Variants in SASH1 observed in about 807,000 individuals in gnomAD.
The protein encoded by SASH1 is SAM and SH3 domain-containing protein 1.
A neutral mutation model predicts 125.2 loss-of-function variants in SASH1; 44 were observed. That is an observed-to-expected ratio of 0.35 (90% CI 0.28 to 0.45). SASH1 has a LOEUF of 0.45. SASH1 is among the 20% of genes least tolerant of loss of function. SASH1 has a pLI of 1.00. For missense variants in SASH1, 1,426 were observed against 1,614.5 expected (o/e 0.88, Z 2.00); for synonymous variants, 639 against 649.1 (o/e 0.98, Z 0.24).
intron 4 of SASH1, among the ~76,000 whole-genome samples, chr6:148,467,148 G>A (rs1189389258): frequency 7.4e-6 from 1 of 135,974 alleles, no homozygotes; most frequent in African/African-American, 2.8e-5. Context: ...CCAGTCTGGA[G>A]TGCAATGGTG....
At chr6:148,238,697 TTA>T in the SASH1 span, among the ~76,000 whole-genome samples, 3 of 151,886 alleles carry the variant, frequency 2.0e-5, no homozygotes, top group Non-Finnish European at 4.4e-5. Flanking sequence ...GAAGGGATTT[TTA>T]TGACTTTGCT....
chr6:148,533,066 C>A lies in SASH1; in HGVS notation c.1734+100C>A. On this transcript the variant is annotated intron_variant, in intron 14 of 19. Transcript: ENST00000367467. The surrounding 1 kb of genome is among the most constrained non-coding windows in gnomAD (Gnocchi z 6.2). ...TGTTGAATGCTGGGCTACTATGGTA[C>A]AGACTGGACAGTATCTTGGCTACCT... The A allele has an allele frequency of 7.8e-7, 1 of 1,281,666 alleles. No individual in the cohort carries two copies. The allele number at this position is 1,281,666 out of a possible 1,614,324, so 79.4% of individuals were successfully genotyped here. A position where few individuals can be genotyped will look rare whatever the true frequency, so the allele number is the denominator to read the frequency against.
chr6:148,325,182 C>T (rs777849113), intron 1 of SASH1, among the ~76,000 whole-genome samples: 1 of 151,952 alleles, frequency 6.6e-6, no homozygotes, highest in Admixed American at 6.6e-5. Flanking sequence ...ACAATCATTG[C>T]GGAAAGGGAA....
upstream of SASH1, among the ~76,000 whole-genome samples, chr6:148,269,346 G>A (rs959328368): frequency 2.0e-4 from 31 of 151,752 alleles, no homozygotes; most frequent in African/African-American, 4.6e-4. Flanking sequence ...GTTGGAGTGC[G>A]GTGGCACAAA....
chr6:148,206,849 T>A, the SASH1 span, among the ~76,000 whole-genome samples: 24 of 144,418 alleles, frequency 1.7e-4, no homozygotes, highest in African/African-American at 6.3e-4. Flanking sequence ...ATAAATACAT[T>A]ATGCATTAAA....
chr6:148,443,157 AAAAAAAAAAT>A (rs944805738), intron 4 of SASH1, among the ~76,000 whole-genome samples: 1 of 113,116 alleles, frequency 8.8e-6, no homozygotes, highest in Non-Finnish European at 1.9e-5. Context: ...AAAAAAAAAA[AAAAAAAAAAT>A]GGCTCACGGC....
At chr6:148,525,460 A>G (rs1781088210) in intron 11 of SASH1, 95 bp downstream of exon 11, 4 of 1,024,950 alleles carry the variant, frequency 3.9e-6, no homozygotes, top group Non-Finnish European at 6.1e-6. Context: ...GATACTGGGT[A>G]CCGTTTTCCT....
the SASH1 span, among the ~76,000 whole-genome samples, chr6:148,231,131 T>G: frequency 1.3e-5 from 2 of 152,252 alleles, no homozygotes; most frequent in Non-Finnish European, 2.9e-5. Context: ...GTGTCTATTA[T>G]CCACCCGGAG....
rs746235393 is a variant in SASH1 at position 148,519,838 on chromosome 6, C to T, written c.1154C>T (p.Ser385Phe). Residue 385 changes from serine to phenylalanine, a missense_variant, in exon 10 of 20, where the codon TCC becomes TTC. By Grantham distance (155) the Ser-to-Phe change is radical. Around this residue, in one of 3 missense-constraint regions of SASH1, gnomAD observed 567 missense variants for 575.6 expected, o/e 0.99. Coordinates refer to ENST00000367467, the MANE Select transcript of SASH1 (RefSeq NM_015278.5). This position sits in a 1 kb window ranked among gnomAD's most constrained non-coding sequence, Gnocchi z 4.8. ...YPEEEKAQKV[S>F]RSLTEGEMKK... ...GAAGAAGAAAAGGCCCAGAAAGTGT[C>T]CCGCTCCCTCACCGAGGGGGAGATG... 1.9e-6 allele frequency: 3 copies of T among 1,609,536 alleles called. No homozygotes were observed. The East Asian group carries it at 6.7e-5, about 36-fold the overall frequency.
At chr6:148,324,584 T>G (rs913886671) in intron 1 of SASH1, among the ~76,000 whole-genome samples, 13 of 152,332 alleles carry the variant, frequency 8.5e-5, no homozygotes, top group African/African-American at 3.1e-4. Flanking sequence ...GCCATTGCTC[T>G]TGCTGTCTTC....
the SASH1 span, among the ~76,000 whole-genome samples, chr6:148,222,303 C>T: frequency 6.6e-6 from 1 of 152,178 alleles, no homozygotes; most frequent in Non-Finnish European, 1.5e-5. Context: ...ATATTTCACA[C>T]ATTTTCCTTC....
chr6:148,270,578 C>G (rs566843795), upstream of SASH1, among the ~76,000 whole-genome samples: 2 of 152,036 alleles, frequency 1.3e-5, no homozygotes, highest in East Asian at 3.9e-4. Flanking sequence ...AATTTTTTGG[C>G]TAAAACTTGC....
the SASH1 span, among the ~76,000 whole-genome samples, chr6:148,230,298 C>T: frequency 1.4e-4 from 21 of 152,018 alleles, no homozygotes; most frequent in South Asian, 4.2e-4. Flanking sequence ...ACACTTAATA[C>T]GAACATTTGA....
rs1029131465 is a variant in SASH1 at position 148,533,164 on chromosome 6, G to A, written c.1734+198G>A. On this transcript the variant is annotated intron_variant, in intron 14 of 19. Coordinates refer to ENST00000367467, the MANE Select transcript of SASH1 (RefSeq NM_015278.5). This position sits in a 1 kb window ranked among gnomAD's most constrained non-coding sequence, Gnocchi z 6.2. ...GCCCTCGAGGCAGAGGGAGGGTCTCGTGTTAATCCCTGGGTTAGCATCACT... is the reference window on the plus strand; with the variant it reads ...GCCCTCGAGGCAGAGGGAGGGTCTCATGTTAATCCCTGGGTTAGCATCACT... Among the ~76,000 whole-genome samples the A allele has an allele frequency of 3.3e-5, 5 of 152,118 alleles. No individual in the cohort carries two copies. The highest frequency in any genetic ancestry group is 7.4e-5 in the Non-Finnish European group (5 of 68,020).
At chr6:148,381,648 CAG>C (rs1223665724) in intron 1 of SASH1, among the ~76,000 whole-genome samples, 4 of 38,458 alleles carry the variant, frequency 1.0e-4, no homozygotes, top group Non-Finnish European at 5.1e-5. Flanking sequence ...TTTTTTGAGA[CAG>C]AGTCTTGCTT....
intron 1 of SASH1, among the ~76,000 whole-genome samples, chr6:148,325,638 G>A (rs1780776660): frequency 6.6e-6 from 1 of 152,004 alleles, no homozygotes; most frequent in African/African-American, 2.4e-5. Context: ...TAGCACGGAG[G>A]TAACCACCCC....
At chr6:148,387,600 CTTTCTTTCTTTCTT>C (rs1411108398) in intron 1 of SASH1, among the ~76,000 whole-genome samples, 1 of 12,984 alleles carries the variant, frequency 7.7e-5, no homozygotes, top group Non-Finnish European at 1.4e-4. Flanking sequence ...TTCTTTCTTT[CTTTCTTTCTTTCTT>C]TCTTTCTTTC....
chr6:148,291,110 C>T (rs1204255895), intron 1 of SASH1, among the ~76,000 whole-genome samples: 1 of 151,922 alleles, frequency 6.6e-6, no homozygotes, highest in African/African-American at 2.4e-5. Flanking sequence ...AGCGATCCTC[C>T]TGCCTCAGCC....
chr6:148,530,932 A>ACTT (rs1781476852), intron 12 of SASH1, among the ~76,000 whole-genome samples: 1 of 152,222 alleles, frequency 6.6e-6, no homozygotes, highest in Non-Finnish European at 1.5e-5. Flanking sequence ...AGAAGCTAAA[A>ACTT]CTTTAGAGTA....
Sources: allele counts gnomAD v4.1 joint callset (sites outside exome capture counted in the v4.1 genomes callset), GRCh38; gene constraint gnomAD v4.1.1; regional missense constraint gnomAD v4.1.1; non-coding constraint Gnocchi (gnomAD v3.1); transcripts MANE v1.5; gene names NCBI Gene and HGNC (gene_info 2026-07-23, HGNC 2026-07-21).